Variants in OR9G4 observed in about 807,000 individuals in gnomAD.
The protein encoded by OR9G4 is olfactory receptor family 9 subfamily G member 4.
OR9G4 carries 19 observed loss-of-function variants against 16.7 expected under a neutral mutation model. That is an observed-to-expected ratio of 1.14 (90% CI 0.79 to 1.67). OR9G4 has a LOEUF of 1.67. Ranked by LOEUF, OR9G4 falls within the 40% of genes most tolerant of loss-of-function variation. The pLI, the probability that OR9G4 is intolerant of heterozygous loss-of-function variation, is 0.00. For synonymous variants in OR9G4, 182 were observed against 146.2 expected (o/e 1.24, Z -1.76); for missense variants, 428 against 370.4 (o/e 1.16, Z -1.28).
chr11:56,743,037 G>A lies in OR9G4; in HGVS notation c.730C>T (p.His244Tyr). The A allele has an allele frequency of 6.2e-7, 1 of 1,614,006 alleles. No homozygotes were observed. The highest frequency in any genetic ancestry group is 1.1e-5 in the South Asian group (1 of 91,080). ...RHKAFSTCAS[H>Y]LISVMLFYGS... ...TAGAAGAGCATGACTGAGATGAGGT[G>A]GGAAGCACAGGTGGAGAATGCCTTG... The change falls in exon 2 of 2, where the codon CAC becomes TAC. Residue 244 changes from histidine (H) to tyrosine (Y), a missense_variant. Physicochemically the swap from His to Tyr is moderately conservative, Grantham distance 83. Coordinates refer to ENST00000641668, the MANE Select transcript of OR9G4 (RefSeq NM_001005284.2).
Position 56,743,383 on chromosome 11 carries a change from G to T in OR9G4, c.384C>A (p.Asn128Lys). The T allele has an allele frequency of 5.0e-6, 8 of 1,614,052 alleles. No homozygotes were observed. Among genetic ancestry groups the T allele is most frequent in the South Asian group, 3.3e-5 (3 of 91,068 alleles). ...MAYDRHAAIC[N>K]PLLYSGTMST... is the part of the protein sequence containing the mutation. ...ACATGGTACCTGAATAAAGCAATGG[G>T]TTACAAATTGCTGCATGGCGGTCAT... Residue 128 changes from asparagine (N) to lysine (K), a missense_variant, in exon 2 of 2, where the codon AAC becomes AAA. Asn to Lys is a moderately conservative substitution (Grantham distance 94). Coordinates refer to ENST00000641668, the MANE Select transcript of OR9G4 (RefSeq NM_001005284.2).
chr11:56,745,739 T>C (rs1368693435), intron 1 of OR9G4, among the ~76,000 whole-genome samples: 1 of 147,354 alleles, frequency 6.8e-6, no homozygotes, highest in Non-Finnish European at 1.5e-5. Flanking sequence ...ACCATTGCAC[T>C]CCAGCAAGGG....
chr11:56,748,549 A>G (rs1217824326), intron 1 of OR9G4, 107 bp downstream of exon 1: 1 of 152,248 alleles, frequency 6.6e-6, no homozygotes, highest in African/African-American at 2.4e-5. Flanking sequence ...GTGGTGCAGC[A>G]GTAAATCGTT....
At position 56,743,192 on chromosome 11, in the gene OR9G4, G is replaced by C; in HGVS notation, c.575C>G (p.Thr192Ser). 1 of 1,614,062 alleles carries C rather than the reference G, an allele frequency of 6.2e-7. No individual in the cohort carries two copies. Among genetic ancestry groups the C allele is most frequent in the South Asian group, 1.1e-5 (1 of 91,068 alleles). Residue 192 changes from threonine to serine, a missense_variant, in exon 2 of 2, where the codon ACC (threonine) becomes AGC (serine). Coordinates refer to ENST00000641668, the MANE Select transcript of OR9G4 (RefSeq NM_001005284.2). ...PPLVKMSCTN[T>S]RVYEKVLLGV... ...AAGCAGGACTTTTTCGTAGACCCTGGTGTTTGTACAGGACATTTTTACCAA... is the reference window on the plus strand; with the variant it reads ...AAGCAGGACTTTTTCGTAGACCCTGCTGTTTGTACAGGACATTTTTACCAA...
rs369750177 is a variant in OR9G4, at chr11:56,743,863, A to C, written c.-22-75T>G. ...AGTTGACAAGGGTATCAATTAAATCAACAATTACTAAGAAGCTTGTAGATT... is the reference window on the plus strand; with the variant it reads ...AGTTGACAAGGGTATCAATTAAATCCACAATTACTAAGAAGCTTGTAGATT... On this transcript the variant is annotated intron_variant, in intron 1 of 1. Coordinates refer to ENST00000641668, the MANE Select transcript of OR9G4 (RefSeq NM_001005284.2). 223 of 1,483,320 alleles carry C rather than the reference A, an allele frequency of 1.5e-4. 1 individual carries two copies. In the African/African-American group the frequency reaches 2.8e-3, roughly 19 times the overall value. The allele number at this position is 1,483,320 out of a possible 1,614,324, so 91.9% of individuals were successfully genotyped here.
chr11:56,742,682 C>G lies in OR9G4; in HGVS notation c.*146G>C, dbSNP rs534116866. 1 of 690,002 alleles carries G rather than the reference C, an allele frequency of 1.4e-6. No homozygotes were observed. The highest frequency in any genetic ancestry group is 2.4e-6 in the Non-Finnish European group (1 of 411,474). 42.7% of individuals were successfully genotyped at this position (690,002 alleles called of 1,614,324 possible). On this transcript the variant is annotated 3_prime_UTR_variant, in exon 2 of 2. Coordinates refer to ENST00000641668, the MANE Select transcript of OR9G4 (RefSeq NM_001005284.2). ...TTTGTTTTGTTTACATCATAACAAA[C>G]GAATAACAAGGAGTCATGTGGTCAA... is the stretch of plus-strand genomic sequence containing the variant.
chr11:56,747,707 C>T (rs1858440604), intron 1 of OR9G4, among the ~76,000 whole-genome samples: 1 of 142,602 alleles, frequency 7.0e-6, no homozygotes, highest in Non-Finnish European at 1.6e-5. Flanking sequence ...CGGAGTCTCA[C>T]ACTGTCACCC....
In OR9G4 at chr11:56,743,679, C is replaced by T; in HGVS notation, c.88G>A (p.Val30Met). Residue 30 changes from valine (V) to methionine (M), a missense_variant, in exon 2 of 2, where the codon GTG becomes ATG. Physicochemically the swap from Val to Met is conservative, Grantham distance 21. Transcript: ENST00000641668. Reference protein sequence around the residue: ...DSQWQPILFGVFLMLYLITLS... With the variant: ...DSQWQPILFGMFLMLYLITLS... Reference sequence around the variant, plus strand: ...GTTATCAAATAGAGCATCAGAAACACTCCAAATAGAATCGGCTGCCACTGG... The same window carrying T: ...GTTATCAAATAGAGCATCAGAAACATTCCAAATAGAATCGGCTGCCACTGG... 1.2e-6 allele frequency: 2 copies of T among 1,614,146 alleles called. No homozygotes were observed. The highest frequency in any genetic ancestry group is 1.7e-6 in the Non-Finnish European group (2 of 1,180,024).
intron 1 of OR9G4, among the ~76,000 whole-genome samples, chr11:56,747,044 C>G (rs1858426578): frequency 6.6e-6 from 1 of 152,224 alleles, no homozygotes; most frequent in East Asian, 1.9e-4. Context: ...CAAGTTAAAA[C>G]CCGTAATCTG....
At chr11:56,748,624 C>T (rs1858457771) in intron 1 of OR9G4, 32 bp downstream of exon 1, 1 of 152,264 alleles carries the variant, frequency 6.6e-6, no homozygotes, top group Admixed American at 6.5e-5. Flanking sequence ...AAAGGCCAGA[C>T]TTCCTATTTG....
At chr11:56,746,916 C>G (rs574603669) in intron 1 of OR9G4, among the ~76,000 whole-genome samples, 45 of 151,762 alleles carry the variant, frequency 3.0e-4, no homozygotes, top group African/African-American at 1.0e-3. Flanking sequence ...CACTTTCTAA[C>G]TCATCTACAC....
chr11:56,742,998 A>G lies in OR9G4; in HGVS notation c.769T>C (p.Phe257Leu), dbSNP rs1318729138. The G allele has an allele frequency of 6.2e-7, 1 of 1,614,148 alleles. No individual in the cohort carries two copies. The highest frequency in any genetic ancestry group is 8.5e-7 in the Non-Finnish European group (1 of 1,180,000). ...GTGGAACTAGGCCTTGAATACATAA[A>G]CAACAATGATCCATAGAAGAGCATG... ...SVMLFYGSLL[F>L]MYSRPSSTYS... Residue 257 changes from phenylalanine to leucine, a missense_variant, in exon 2 of 2, where the codon TTT becomes CTT. By Grantham distance (22) the Phe-to-Leu change is conservative. Coordinates refer to ENST00000641668, the MANE Select transcript of OR9G4 (RefSeq NM_001005284.2).
In OR9G4 at chr11:56,747,183, T is replaced by TTTATTATTATTATTA. The variant is rs71058030; in HGVS notation, c.-23+1458_-23+1472dup. Among the ~76,000 whole-genome samples, 99 of 142,836 alleles carry TTTATTATTATTATTA rather than the reference T, an allele frequency of 6.9e-4. 1 individual carries two copies. Among genetic ancestry groups the TTTATTATTATTATTA allele is most frequent in the African/African-American group, 2.4e-3 (93 of 39,408 alleles). 93.7% of individuals were successfully genotyped at this position (142,836 alleles called of 152,430 possible). A position where few individuals can be genotyped will look rare whatever the true frequency, so the allele number is the denominator to read the frequency against. On this transcript the variant is annotated intron_variant, in intron 1 of 1. Coordinates refer to ENST00000641668, the MANE Select transcript of OR9G4 (RefSeq NM_001005284.2). ...GCCGTCTCTGTCCCAGCATCAAAGA[T>TTTATTATTATTATTA]TTATTATTATTATTATTATTATTAT...
Position 56,743,157 on chromosome 11 carries a change from C to G in OR9G4, c.610G>C (p.Gly204Arg). 1 of 1,613,976 alleles carries G rather than the reference C, an allele frequency of 6.2e-7. No homozygotes were observed. Among genetic ancestry groups the G allele is most frequent in the South Asian group, 1.1e-5 (1 of 91,068 alleles). The change falls in exon 2 of 2, where the codon GGC (glycine) becomes CGC (arginine). Residue 204 changes from glycine to arginine, a missense_variant. Coordinates refer to ENST00000641668, the MANE Select transcript of OR9G4 (RefSeq NM_001005284.2). ...AGAATGCTGGAGAGTACTGTGAAGC[C>G]CACCACACCAAGCAGGACTTTTTCG... Reference protein sequence around the residue: ...VYEKVLLGVVGFTVLSSILAI... With the variant: ...VYEKVLLGVVRFTVLSSILAI...
intron 1 of OR9G4, chr11:56,744,107 AC>A (rs1279269364): frequency 6.6e-6 from 2 of 302,426 alleles, no homozygotes; most frequent in Non-Finnish European, 1.2e-5. Flanking sequence ...TCACTCTGTC[AC>A]CCATGCTGGA....
rs11228766 is a variant in OR9G4 at position 56,747,255 on chromosome 11, T to C, written c.-23+1401A>G. ...AGGGTGCATGACTGTCTGTTCCCTCTGCCTGGAACACTATACTCCAGATGT... is the reference window on the plus strand; with the variant it reads ...AGGGTGCATGACTGTCTGTTCCCTCCGCCTGGAACACTATACTCCAGATGT... On this transcript the variant is annotated intron_variant, in intron 1 of 1. Transcript: ENST00000641668. 2.0e-5 allele frequency among the ~76,000 whole-genome samples: 3 copies of C among 151,610 alleles called. No individual in the cohort carries two copies. The South Asian group carries it at 6.3e-4, about 32-fold the overall frequency.
Position 56,741,843 on chromosome 11 carries a change from C to T in OR9G4, c.*985G>A, listed in dbSNP as rs1858305788. 1 of 152,188 alleles carries T rather than the reference C, an allele frequency of 6.6e-6. No homozygotes were observed. The highest frequency in any genetic ancestry group is 1.5e-5 in the Non-Finnish European group (1 of 68,032). 9.4% of individuals were successfully genotyped at this position (152,188 alleles called of 1,614,324 possible). A position where few individuals can be genotyped will look rare whatever the true frequency, so the allele number is the denominator to read the frequency against. ...GCTACTAAATGAAATATCAACCCAA[C>T]CTGCCATCACAAGGGGGTTCAGTTA... On this transcript the variant is annotated 3_prime_UTR_variant, in exon 2 of 2. Transcript: ENST00000641668.
chr11:56,746,404 T>C (rs562307905), intron 1 of OR9G4, among the ~76,000 whole-genome samples: 1 of 152,168 alleles, frequency 6.6e-6, no homozygotes, highest in Admixed American at 6.5e-5. Flanking sequence ...TCAAATTTTT[T>C]GACTCATGAA....
Position 56,742,596 on chromosome 11 carries a change from A to G in OR9G4, c.*232T>C. 2.0e-6 allele frequency: 1 copy of G among 493,824 alleles called. No individual in the cohort carries two copies. Among genetic ancestry groups the G allele is most frequent in the South Asian group, 3.1e-5 (1 of 32,434 alleles). 30.6% of individuals were successfully genotyped at this position (493,824 alleles called of 1,614,324 possible). Reference sequence around the variant, plus strand: ...AATCTATGAAAGATTTAATGCTGCCAAGGCAAAATACCATATTGCAGAATG... The same window carrying G: ...AATCTATGAAAGATTTAATGCTGCCGAGGCAAAATACCATATTGCAGAATG... On this transcript the variant is annotated 3_prime_UTR_variant, in exon 2 of 2. Coordinates refer to ENST00000641668, the MANE Select transcript of OR9G4 (RefSeq NM_001005284.2).
Sources: allele counts gnomAD v4.1 joint callset (sites outside exome capture counted in the v4.1 genomes callset), GRCh38; gene constraint gnomAD v4.1.1; transcripts MANE v1.5; gene names NCBI Gene and HGNC (gene_info 2026-07-23, HGNC 2026-07-21).